Variants in N4BP2 observed in about 807,000 individuals in gnomAD.
The protein encoded by N4BP2 is NEDD4-binding protein 2.
In N4BP2, 91 loss-of-function variants were observed where a neutral mutation model predicts 152.8. That is an observed-to-expected ratio of 0.60 (90% CI 0.50 to 0.71). The LOEUF is 0.71. Ranked by LOEUF, N4BP2 falls within the 30% of genes least tolerant of loss-of-function variation. N4BP2 has a pLI of 0.00. For missense variants in N4BP2, 1,923 were observed against 2,059.1 expected, an observed-to-expected ratio of 0.93 and a Z score of 1.28; for synonymous variants, 646 against 705.3, an observed-to-expected ratio of 0.92 and a Z score of 1.33.
At chr4:40,109,616 G>A (rs544678111) in intron 5 of N4BP2, among the ~76,000 whole-genome samples, 1 of 152,108 alleles carries the variant, frequency 6.6e-6, no homozygotes, top group East Asian at 1.9e-4. Flanking sequence ...TACTTGAGAG[G>A]CTGAGGCAGG....
At chr4:40,100,379 G>A (rs774383958) in intron 3 of N4BP2, among the ~76,000 whole-genome samples, 12 of 148,350 alleles carry the variant, frequency 8.1e-5, no homozygotes, top group Non-Finnish European at 1.5e-4. Context: ...TTTTTTTTTG[G>A]TTTCCTTTTT....
intron 2 of N4BP2, among the ~76,000 whole-genome samples, chr4:40,082,375 C>CTG (rs1174858002): frequency 6.6e-6 from 1 of 151,228 alleles, no homozygotes; most frequent in Non-Finnish European, 1.5e-5. Context: ...ATTCAATAAT[C>CTG]TAACAATCCT....
In N4BP2 at chr4:40,103,031, A is replaced by G. The variant is rs770707667; in HGVS notation, c.1186A>G (p.Thr396Ala). 1.9e-6 allele frequency: 3 copies of G among 1,614,106 alleles called. No individual in the cohort carries two copies. The African/African-American group carries it at 4.0e-5, about 22-fold the overall frequency. ...TAAHWRSVNY[T>A]FPPSVISHTS... is the part of the protein sequence containing the mutation. ...TGCACACTGGAGATCTGTCAACTAC[A>G]CATTTCCACCCTCAGTTATTTCTCA... The change falls in exon 4 of 18, where the codon ACA becomes GCA. Residue 396 changes from threonine (T) to alanine (A), a missense_variant. Coordinates refer to ENST00000261435, the MANE Select transcript of N4BP2 (RefSeq NM_018177.6).
chr4:40,152,172 C>T (rs1401655191), intron 16 of N4BP2, among the ~76,000 whole-genome samples: 2 of 152,280 alleles, frequency 1.3e-5, no homozygotes, highest in East Asian at 1.9e-4. Context: ...AGACTGCAAT[C>T]CAGCTGTGAC....
chr4:40,078,323 A>G (rs1259135648), intron 2 of N4BP2, among the ~76,000 whole-genome samples: 1 of 151,894 alleles, frequency 6.6e-6, no homozygotes, highest in Admixed American at 6.6e-5. Context: ...TCTTTAGTAG[A>G]GACAGGGTTT....
rs758692153 is a variant in N4BP2, at chr4:40,142,812, A to T, written c.4925A>T (p.Glu1642Val). 1.2e-6 allele frequency: 2 copies of T among 1,614,160 alleles called. No homozygotes were observed. Among genetic ancestry groups the T allele is most frequent in the Non-Finnish European group, 1.7e-6 (2 of 1,180,024 alleles). ...ATGGAGTGCTACAGCAAGGCCAAAGAAGCTTATCGGATAGGGAAAAAAAAT... is the reference window on the plus strand; with the variant it reads ...ATGGAGTGCTACAGCAAGGCCAAAGTAGCTTATCGGATAGGGAAAAAAAAT... ...KRMECYSKAK[E>V]AYRIGKKNVA... Residue 1642 changes from glutamate (E) to valine (V), a missense_variant, in exon 15 of 18, where the codon GAA becomes GTA. Physicochemically the swap from Glu to Val is moderately radical, Grantham distance 121. Transcript: ENST00000261435.
At chr4:40,158,412 A>G (rs1318933335), downstream of N4BP2, among the ~76,000 whole-genome samples, 2 of 152,154 alleles carry the variant, frequency 1.3e-5, no homozygotes, top group Admixed American at 6.5e-5. Context: ...TCTGTAGCAA[A>G]TAAGAGTCTA....
At chr4:40,105,256 C>T (rs902027623) in intron 4 of N4BP2, among the ~76,000 whole-genome samples, 7 of 151,716 alleles carry the variant, frequency 4.6e-5, no homozygotes, top group Non-Finnish European at 1.0e-4. Context: ...TTAACAAGCT[C>T]TGATGATGGA....
chr4:40,141,687 C>T (rs552352333), intron 14 of N4BP2, among the ~76,000 whole-genome samples: 13 of 152,308 alleles, frequency 8.5e-5, no homozygotes, highest in African/African-American at 2.9e-4. Context: ...GACGGGGTGG[C>T]GGCCGGGCAG....
In N4BP2 at chr4:40,103,020, C is replaced by G; in HGVS notation, c.1175C>G (p.Ser392Cys). 1 of 1,614,154 alleles carries G rather than the reference C, an allele frequency of 6.2e-7. No individual in the cohort carries two copies. Among genetic ancestry groups the G allele is most frequent in the Non-Finnish European group, 8.5e-7 (1 of 1,179,988 alleles). Residue 392 changes from serine (S) to cysteine (C), a missense_variant, in exon 4 of 18, where the codon TCT (serine) becomes TGT (cysteine). Physicochemically the swap from Ser to Cys is moderately radical, Grantham distance 112. Transcript: ENST00000261435. ...GTAACCACAGCTGCACACTGGAGAT[C>G]TGTCAACTACACATTTCCACCCTCA... ...PVVTTAAHWR[S>C]VNYTFPPSVI...
chr4:40,142,394 C>A, intron 14 of N4BP2: 1 of 319,846 alleles, frequency 3.1e-6, no homozygotes, highest in East Asian at 6.7e-5. Flanking sequence ...TCTTCCAACT[C>A]GGAGTTCAGT....
chr4:40,136,343 A>C (rs1719374961), intron 13 of N4BP2, among the ~76,000 whole-genome samples: 1 of 136,610 alleles, frequency 7.3e-6, no homozygotes, highest in South Asian at 2.5e-4. Context: ...TTAGAAATTG[A>C]ATCTATCTAT....
chr4:40,165,611 T>A, the N4BP2 span, among the ~76,000 whole-genome samples: 2 of 152,166 alleles, frequency 1.3e-5, no homozygotes, highest in East Asian at 1.9e-4. Flanking sequence ...GTGTGTTTTT[T>A]AAAAGGATAT....
chr4:40,074,889 C>T (rs1296864501), intron 2 of N4BP2, among the ~76,000 whole-genome samples: 2 of 152,046 alleles, frequency 1.3e-5, no homozygotes, highest in East Asian at 1.9e-4. Flanking sequence ...CACCTATAAT[C>T]CCAGCTACTT....
Position 40,093,568 on chromosome 4 carries a change from G to C in N4BP2, c.-114-3659G>C, listed in dbSNP as rs184140981. Among the ~76,000 whole-genome samples the C allele has an allele frequency of 2.2e-4, 33 of 150,920 alleles. No individual in the cohort carries two copies. The Admixed American group carries it at 2.2e-3, about 10-fold the overall frequency. On this transcript the variant is annotated intron_variant, in intron 2 of 17. Transcript: ENST00000261435. ...ATTATAGGTGTGTGCCACCTTGCGT[G>C]GCTAATTTTTGTATTTGTATTATTT...
chr4:40,062,972 A>C (rs1733779588), intron 1 of N4BP2, among the ~76,000 whole-genome samples: 1 of 152,214 alleles, frequency 6.6e-6, no homozygotes, highest in Admixed American at 6.5e-5. Flanking sequence ...CTGTCTTAAA[A>C]AATGATGTGA....
In N4BP2 at chr4:40,155,975, A is replaced by G. The variant is rs1256498435; in HGVS notation, c.*1738A>G. The G allele has an allele frequency of 6.6e-6, 1 of 152,210 alleles. No homozygotes were observed. Among genetic ancestry groups the G allele is most frequent in the Non-Finnish European group, 1.5e-5 (1 of 68,018 alleles). The allele number at this position is 152,210 out of a possible 1,614,324, so 9.4% of individuals were successfully genotyped here. ...TTCACACTTATGTTTGTAATAATTT[A>G]TTTAAAGAATGCCAACAGTTTAGCA... On this transcript the variant is annotated 3_prime_UTR_variant, in exon 18 of 18. Transcript: ENST00000261435.
chr4:40,091,299 T>C lies in N4BP2; in HGVS notation c.-114-5928T>C, dbSNP rs145644327. ...ATGAGCTAGAACTTCCAGCATTATT[T>C]TGAATAAAATTGGTGAGAGTAGATA... On this transcript the variant is annotated intron_variant, in intron 2 of 17. Coordinates refer to ENST00000261435, the MANE Select transcript of N4BP2 (RefSeq NM_018177.6). 2.2e-3 allele frequency among the ~76,000 whole-genome samples: 341 copies of C among 152,224 alleles called. 1 individual carries two copies. The highest frequency in any genetic ancestry group is 3.7e-3 in the Non-Finnish European group (250 of 68,018).
chr4:40,180,843 C>T, the N4BP2 span, among the ~76,000 whole-genome samples: 1 of 152,092 alleles, frequency 6.6e-6, no homozygotes, highest in African/African-American at 2.4e-5. Flanking sequence ...CTACCATGAC[C>T]TTATCCTGGT....
Sources: gnomAD v4.1 joint callset for allele counts (sites outside exome capture counted in the v4.1 genomes callset) on GRCh38, gnomAD v4.1.1 for gene constraint, MANE v1.5 for transcripts, NCBI Gene and HGNC (gene_info 2026-07-23, HGNC 2026-07-21) for gene names.